The following SH3RF2 variants were observed in gnomAD, a reference collection of about 807,000 sequenced individuals.
The protein encoded by SH3RF2 is E3 ubiquitin-protein ligase SH3RF2.
SH3RF2 carries 43 observed loss-of-function variants against 59.0 expected under a neutral mutation model. That is an observed-to-expected ratio of 0.73 (90% CI 0.57 to 0.94). The LOEUF (loss-of-function observed/expected upper bound fraction) is 0.94. Ranked by LOEUF, SH3RF2 falls within the 40% of genes least tolerant of loss-of-function variation. The pLI is 0.00. For missense variants in SH3RF2, 930 were observed against 940.1 expected (o/e 0.99, Z 0.14); for synonymous variants, 391 against 391.5 (o/e 1.00, Z 0.01).
At chr5:145,989,181 C>G (rs552775779) in intron 2 of SH3RF2, among the ~76,000 whole-genome samples, 1 of 152,094 alleles carries the variant, frequency 6.6e-6, no homozygotes, top group Non-Finnish European at 1.5e-5. Context: ...AGCAAAGAAA[C>G]CTGTGTGATT....
At chr5:145,942,572 G>C (rs1020977156) in intron 2 of SH3RF2, among the ~76,000 whole-genome samples, 2 of 152,218 alleles carry the variant, frequency 1.3e-5, no homozygotes, top group African/African-American at 4.8e-5. Flanking sequence ...TCCTGTAATA[G>C]AGCTGTGATA....
chr5:145,982,323 T>C (rs2149970103), intron 2 of SH3RF2, among the ~76,000 whole-genome samples: 1 of 152,344 alleles, frequency 6.6e-6, no homozygotes, highest in East Asian at 1.9e-4. Flanking sequence ...TTCCTGACTA[T>C]GTCTTTGTCT....
chr5:146,005,163 C>CT (rs1265685726), intron 4 of SH3RF2, among the ~76,000 whole-genome samples: 1 of 151,518 alleles, frequency 6.6e-6, no homozygotes, highest in South Asian at 2.1e-4. Context: ...GAAAAATCTT[C>CT]TTTAAAAAAA....
chr5:146,061,596 T>C (rs1166895244), intron 9 of SH3RF2, among the ~76,000 whole-genome samples: 6 of 152,166 alleles, frequency 3.9e-5, no homozygotes, highest in African/African-American at 1.4e-4. Flanking sequence ...TCCTGAGCAG[T>C]ACCACAGAAC....
At chr5:145,947,842 A>G (rs1266783674) in intron 2 of SH3RF2, among the ~76,000 whole-genome samples, 1 of 152,210 alleles carries the variant, frequency 6.6e-6, no homozygotes, top group Non-Finnish European at 1.5e-5. Context: ...CATGTCCTCA[A>G]TAGCTTGTGG....
intron 2 of SH3RF2, among the ~76,000 whole-genome samples, chr5:145,964,859 T>C (rs1002786940): frequency 1.3e-5 from 2 of 152,178 alleles, no homozygotes; most frequent in African/African-American, 4.8e-5. Flanking sequence ...ACTCATTTCG[T>C]AGGCTTTTGT....
chr5:145,961,174 C>CTTTTTTTTTTT (rs869156939), intron 2 of SH3RF2, among the ~76,000 whole-genome samples: 1 of 90,960 alleles, frequency 1.1e-5, no homozygotes, highest in African/African-American at 4.6e-5. Flanking sequence ...CTGCATCCTC[C>CTTTTTTTTTTT]TTTTTTTTTT....
intron 5 of SH3RF2, among the ~76,000 whole-genome samples, chr5:146,037,575 C>T (rs780082026): frequency 1.3e-5 from 2 of 152,136 alleles, no homozygotes; most frequent in African/African-American, 2.4e-5. Context: ...AATGTTCCCA[C>T]AGGAACTTCT....
intron 9 of SH3RF2, among the ~76,000 whole-genome samples, chr5:146,075,744 A>C (rs1008657410): frequency 3.6e-5 from 5 of 139,742 alleles, no homozygotes; most frequent in African/African-American, 1.4e-4. Context: ...GCACCACTGT[A>C]CTCCAGCCTT....
At chr5:145,970,099 A>C (rs1378486993) in intron 2 of SH3RF2, among the ~76,000 whole-genome samples, 1 of 152,132 alleles carries the variant, frequency 6.6e-6, no homozygotes, top group African/African-American at 2.4e-5. Flanking sequence ...TAACTCATTT[A>C]ATCTTCACAG....
chr5:145,954,348 T>C (rs1758309988), intron 2 of SH3RF2, among the ~76,000 whole-genome samples: 1 of 152,252 alleles, frequency 6.6e-6, no homozygotes, highest in African/African-American at 2.4e-5. Context: ...GGATGCATTA[T>C]GTCATCTTTT....
downstream of SH3RF2, among the ~76,000 whole-genome samples, chr5:146,066,682 CA>C (rs1196494536): frequency 2.6e-5 from 4 of 152,122 alleles, no homozygotes; most frequent in African/African-American, 9.7e-5. Context: ...GTATTTCAAG[CA>C]GGAAAAGATC....
chr5:146,049,768 A>G (rs564395896), intron 7 of SH3RF2, among the ~76,000 whole-genome samples: 98 of 151,946 alleles, frequency 6.4e-4, no homozygotes, highest in Middle Eastern at 6.8e-3. Flanking sequence ...AATGCTAGTA[A>G]CCCTGCAGGG....
chr5:145,964,889 C>G (rs1027158213), intron 2 of SH3RF2, among the ~76,000 whole-genome samples: 2 of 151,878 alleles, frequency 1.3e-5, no homozygotes, highest in African/African-American at 4.8e-5. Context: ...CAAGGCTGTT[C>G]AAAAAGCAAA....
chr5:146,015,593 A>G (rs1761073990), intron 5 of SH3RF2, among the ~76,000 whole-genome samples: 1 of 152,208 alleles, frequency 6.6e-6, no homozygotes, highest in Non-Finnish European at 1.5e-5. Context: ...CAGTGGAAAT[A>G]AGCTAGCTCA....
intron 2 of SH3RF2, among the ~76,000 whole-genome samples, chr5:145,943,477 G>A (rs375888043): frequency 1.3e-4 from 20 of 152,158 alleles, no homozygotes; most frequent in Non-Finnish European, 2.1e-4. Context: ...CGATTTTACC[G>A]TATGACAATA....
At chr5:146,020,182 C>T (rs1225678613) in intron 5 of SH3RF2, among the ~76,000 whole-genome samples, 1 of 152,186 alleles carries the variant, frequency 6.6e-6, no homozygotes, top group African/African-American at 2.4e-5. Context: ...AGGGTCCAGA[C>T]TTGAGGGCAG....
At position 145,998,731 on chromosome 5, in the gene SH3RF2, T is replaced by C. The variant is rs10463378; in HGVS notation, c.379-1327T>C. Among the ~76,000 whole-genome samples, 417 of 152,204 alleles carry C rather than the reference T, an allele frequency of 2.7e-3. 9 individuals are homozygous for C. The East Asian group carries it at 0.049, about 18-fold the overall frequency. The stretch of plus-strand genomic sequence containing the variant: ...ATCGAGACCATCCTGGCCAACATAG[T>C]GAAACCCCGTCTCCACCAAAAATAC... On this transcript the variant is annotated intron_variant, in intron 2 of 9. Coordinates refer to ENST00000359120, the MANE Select transcript of SH3RF2 (RefSeq NM_152550.4).
intron 3 of SH3RF2, among the ~76,000 whole-genome samples, chr5:146,001,983 G>T (rs959962817): frequency 6.6e-6 from 1 of 152,170 alleles, no homozygotes; most frequent in Non-Finnish European, 1.5e-5. Flanking sequence ...AGTAAATTGT[G>T]TAATTTATTC....
Sources: allele counts gnomAD v4.1 joint callset (sites outside exome capture counted in the v4.1 genomes callset), GRCh38; gene constraint gnomAD v4.1.1; transcripts MANE v1.5; gene names NCBI Gene and HGNC (gene_info 2026-07-23, HGNC 2026-07-21).